The following MALRD1 variants were observed in gnomAD, a reference collection of about 807,000 sequenced individuals.
MALRD1 encodes MAM and LDL-receptor class A domain-containing protein 1.
In MALRD1, 247 loss-of-function variants were observed where a neutral mutation model predicts 242.1. That is an observed-to-expected ratio of 1.02 (90% CI 0.92 to 1.13). The LOEUF (loss-of-function observed/expected upper bound fraction) is 1.13. Ranked by LOEUF, MALRD1 falls within the 50% of genes most tolerant of loss-of-function variation. The pLI, the probability that MALRD1 is intolerant of heterozygous loss-of-function variation, is 0.00. For missense variants in MALRD1, 2,989 were observed against 2,533.1 expected (o/e 1.18, Z -3.86); for synonymous variants, 995 against 866.6 (o/e 1.15, Z -2.60).
intron 38 of MALRD1, among the ~76,000 whole-genome samples, chr10:19,726,039 A>G (rs1835010824): frequency 6.6e-6 from 1 of 152,200 alleles, no homozygotes; most frequent in African/African-American, 2.4e-5. Flanking sequence ...GGATTTGGAA[A>G]TTGATTCTTT....
chr10:19,355,358 AC>A (rs1844572211), intron 26 of MALRD1, among the ~76,000 whole-genome samples: 1 of 151,994 alleles, frequency 6.6e-6, no homozygotes, highest in South Asian at 2.1e-4. Context: ...CAAAGAATAA[AC>A]AAGAATTTAA....
intron 12 of MALRD1, among the ~76,000 whole-genome samples, chr10:19,165,088 G>A (rs61481867): frequency 0.17 from 25,281 of 150,904 alleles, 2,763 homozygotes; most frequent in Admixed American, 0.26. Flanking sequence ...ATTTTGTAAC[G>A]TTGAGTCTCA....
At chr10:19,565,661 G>T (rs1446179969) in intron 32 of MALRD1, among the ~76,000 whole-genome samples, 1 of 152,134 alleles carries the variant, frequency 6.6e-6, no homozygotes, top group Non-Finnish European at 1.5e-5. Flanking sequence ...CCAGATCCTG[G>T]AGCTGAAGAT....
intron 13 of MALRD1, among the ~76,000 whole-genome samples, chr10:19,169,358 T>C (rs1834826154): frequency 6.6e-6 from 1 of 152,222 alleles, no homozygotes; most frequent in Admixed American, 6.5e-5. Flanking sequence ...TAAAAATAGA[T>C]ACACTTGCAC....
At chr10:19,234,854 TGG>T (rs1455431880) in intron 18 of MALRD1, among the ~76,000 whole-genome samples, 2 of 152,084 alleles carry the variant, frequency 1.3e-5, no homozygotes, top group Non-Finnish European at 2.9e-5. Flanking sequence ...TGACTCAGCA[TGG>T]AGGTGTCACG....
chr10:19,102,104 T>C (rs1040350606), intron 4 of MALRD1, among the ~76,000 whole-genome samples: 1 of 146,058 alleles, frequency 6.8e-6, no homozygotes, highest in East Asian at 2.0e-4. Flanking sequence ...TTATATCATA[T>C]ATGATATATG....
chr10:19,324,060 G>A lies in MALRD1; in HGVS notation c.3531G>A (p.Leu1177=), dbSNP rs535428934. The part of the protein sequence containing the change: ...IISLTGPKCT[L]VFWTHMNGAT... ...CACTCACGGGACCAAAATGTACCTTGGTGTTCTGGACACATATGAATGGGG... is the reference window on the plus strand; with the variant it reads ...CACTCACGGGACCAAAATGTACCTTAGTGTTCTGGACACATATGAATGGGG... Residue 1177 remains leucine (L), a synonymous_variant, in exon 22 of 40, where the codon TTG becomes TTA. Transcript: ENST00000454679. The A allele has an allele frequency of 3.8e-5, 59 of 1,550,454 alleles. No individual in the cohort carries two copies. The highest frequency in any genetic ancestry group is 4.8e-5 in the Non-Finnish European group (55 of 1,146,852).
chr10:19,219,053 T>C (rs1205567265), intron 18 of MALRD1, among the ~76,000 whole-genome samples: 2 of 152,176 alleles, frequency 1.3e-5, no homozygotes, highest in African/African-American at 4.8e-5. Context: ...AAGAATAATT[T>C]ATTCCAAAAA....
chr10:19,364,161 CATA>C (rs1655273887), intron 26 of MALRD1, among the ~76,000 whole-genome samples: 1 of 152,066 alleles, frequency 6.6e-6, no homozygotes. Flanking sequence ...ATATAAGGAT[CATA>C]ATGATCAGTG....
Position 19,146,318 on chromosome 10 carries a change from C to G in MALRD1, c.1532C>G (p.Ala511Gly). 2.4e-6 allele frequency: 3 copies of G among 1,231,568 alleles called. No homozygotes were observed. Among genetic ancestry groups the G allele is most frequent in the Non-Finnish European group, 3.0e-6 (3 of 987,870 alleles). The allele number at this position is 1,231,568 out of a possible 1,614,324, so 76.3% of individuals were successfully genotyped here. A position where few individuals can be genotyped will look rare whatever the true frequency, so the allele number is the denominator to read the frequency against. The change falls in exon 11 of 40, where the codon GCT (alanine) becomes GGT (glycine). Residue 511 changes from alanine (A) to glycine (G), a missense_variant. Transcript: ENST00000454679. ...AATGGAGAGCACCACTTTCCTGCAG[C>G]TGATCACACAGCAAACATAAATCAT... Reference protein sequence around the residue: ...LNNGEHHFPAADHTANINHGS... With the variant: ...LNNGEHHFPAGDHTANINHGS...
At chr10:19,529,501 G>A (rs1589200729) in intron 31 of MALRD1, among the ~76,000 whole-genome samples, 1 of 137,012 alleles carries the variant, frequency 7.3e-6, no homozygotes, top group East Asian at 2.5e-4. Flanking sequence ...AAACAGAATC[G>A]TGAAAAGTTC....
chr10:19,202,158 T>C (rs1456954437), intron 14 of MALRD1, among the ~76,000 whole-genome samples: 2 of 152,160 alleles, frequency 1.3e-5, no homozygotes, highest in Non-Finnish European at 2.9e-5. Context: ...TTCATTTCGC[T>C]TGTTTCTAAT....
intron 38 of MALRD1, among the ~76,000 whole-genome samples, chr10:19,729,755 G>C (rs1290929026): frequency 4.3e-5 from 1 of 23,304 alleles, no homozygotes; most frequent in Non-Finnish European, 8.7e-5. Context: ...TTTTTTTTTT[G>C]AGACGGAGTC....
intron 18 of MALRD1, among the ~76,000 whole-genome samples, chr10:19,241,343 A>C (rs951975950): frequency 1.3e-5 from 2 of 152,052 alleles, no homozygotes; most frequent in African/African-American, 2.4e-5. Flanking sequence ...TTTATTCTAC[A>C]TTATCAAATT....
chr10:19,667,464 A>G (rs78593773), intron 36 of MALRD1, among the ~76,000 whole-genome samples: 405 of 152,196 alleles, frequency 2.7e-3, no homozygotes, highest in African/African-American at 8.6e-3. Flanking sequence ...GTAATCTCCA[A>G]TGCTAGAGTT....
chr10:19,314,387 G>T (rs976261237), intron 21 of MALRD1, among the ~76,000 whole-genome samples: 1 of 151,554 alleles, frequency 6.6e-6, no homozygotes, highest in African/African-American at 2.4e-5. Context: ...AGATTAGTAA[G>T]TATTATGGAA....
intron 28 of MALRD1, among the ~76,000 whole-genome samples, chr10:19,440,917 A>G (rs9703341): frequency 0.7 from 106,085 of 151,054 alleles, 37,287 homozygotes; most frequent in Non-Finnish European, 0.74. Context: ...AGGAATCACC[A>G]CACTGACTTC....
At chr10:19,515,081 C>CA (rs199895436) in intron 31 of MALRD1, among the ~76,000 whole-genome samples, 14,808 of 144,364 alleles carry the variant, frequency 0.1, 1,943 homozygotes, top group African/African-American at 0.31. Flanking sequence ...TGCTTTAGGA[C>CA]AAAAAAAAAA....
At chr10:19,694,785 C>A (rs533548189) in intron 38 of MALRD1, among the ~76,000 whole-genome samples, 1 of 152,204 alleles carries the variant, frequency 6.6e-6, no homozygotes, top group South Asian at 2.1e-4. Context: ...ACGTTTATTG[C>A]GGCACTATTC....
Sources: allele counts gnomAD v4.1 joint callset (sites outside exome capture counted in the v4.1 genomes callset), GRCh38; gene constraint gnomAD v4.1.1; transcripts MANE v1.5; gene names NCBI Gene and HGNC (gene_info 2026-07-23, HGNC 2026-07-21).